The following ZC2HC1B variants were observed in gnomAD, a reference collection of about 807,000 sequenced individuals.
The protein encoded by ZC2HC1B is zinc finger C2HC domain-containing protein 1B.
Under a neutral mutation model 31.0 loss-of-function variants are expected in ZC2HC1B, and 36 were observed. The ratio of observed to expected loss-of-function variants is 1.16; its 90% CI spans 0.89 to 1.54. ZC2HC1B has a LOEUF of 1.54. ZC2HC1B is among the 40% of genes most tolerant of loss of function. ZC2HC1B has a pLI of 0.00. For missense variants in ZC2HC1B, 260 were observed against 268.6 expected (o/e 0.97, Z 0.22); for synonymous variants, 73 against 88.0 (o/e 0.83, Z 0.95).
intron 4 of ZC2HC1B, among the ~76,000 whole-genome samples, chr6:143,888,645 T>C (rs2128494205): frequency 6.6e-6 from 1 of 152,184 alleles, no homozygotes; most frequent in East Asian, 1.9e-4. Context: ...TTTTATTCAT[T>C]TTGACATTAT....
chr6:143,873,938 A>T (rs910593745), intron 1 of ZC2HC1B, among the ~76,000 whole-genome samples: 1 of 152,246 alleles, frequency 6.6e-6, no homozygotes, highest in Non-Finnish European at 1.5e-5. Flanking sequence ...AAATTTCTGC[A>T]GCTGGCTTTA....
At position 143,924,669 on chromosome 6, in the gene ZC2HC1B, G is replaced by C. The variant is rs1227925913; in HGVS notation, c.599-12980G>C. On this transcript the variant is annotated intron_variant, in intron 6 of 7. Coordinates refer to ENST00000237275, the MANE Select transcript of ZC2HC1B (RefSeq NM_001013623.3). This position sits in a 1 kb window ranked among gnomAD's most constrained non-coding sequence, Gnocchi z 5.2. ...ATTTGTCAGATATGACCTTTACTAT[G>C]CTGAGGCATGTTTCTTCTATGCCTA... 2.0e-5 allele frequency among the ~76,000 whole-genome samples: 3 copies of C among 152,128 alleles called. No homozygotes were observed. Among genetic ancestry groups the C allele is most frequent in the African/African-American group, 7.2e-5 (3 of 41,430 alleles).
chr6:143,883,302 G>A lies in ZC2HC1B; in HGVS notation c.29-1002G>A, dbSNP rs1562338791. Among the ~76,000 whole-genome samples, 1 of 152,170 alleles carries A rather than the reference G, an allele frequency of 6.6e-6. No homozygotes were observed. Among genetic ancestry groups the A allele is most frequent in the Non-Finnish European group, 1.5e-5 (1 of 68,024 alleles). ...AATCCTCCTGCTTCAGCCTCCCATA[G>A]TGTTGGGATTACAGGCGTGAGCCAC... On this transcript the variant is annotated intron_variant, in intron 1 of 7. Transcript: ENST00000237275. The surrounding 1 kb of genome is among the most constrained non-coding windows in gnomAD (Gnocchi z 4.1).
chr6:143,891,239 T>C (rs540206938), intron 4 of ZC2HC1B, among the ~76,000 whole-genome samples: 8 of 151,974 alleles, frequency 5.3e-5, no homozygotes, highest in African/African-American at 1.9e-4. Flanking sequence ...GAAAATCTCA[T>C]AGCATTCCTT....
rs1361466200 is a variant in ZC2HC1B, at chr6:143,934,724, C to G, written c.599-2925C>G. Among the ~76,000 whole-genome samples the G allele has an allele frequency of 2.0e-5, 3 of 152,154 alleles. No homozygotes were observed. The highest frequency in any genetic ancestry group is 4.8e-5 in the African/African-American group (2 of 41,420). ...TGGCTGTAATTACTATCAGTGGTGT[C>G]TATGAATTCCTTAGTGACTTAAACT... On this transcript the variant is annotated intron_variant, in intron 6 of 7. Coordinates refer to ENST00000237275, the MANE Select transcript of ZC2HC1B (RefSeq NM_001013623.3). This position sits in a 1 kb window ranked among gnomAD's most constrained non-coding sequence, Gnocchi z 4.6.
chr6:143,907,675 T>A (rs2144087), intron 6 of ZC2HC1B, among the ~76,000 whole-genome samples: 79,634 of 152,072 alleles, frequency 0.52, 21,230 homozygotes, highest in East Asian at 0.76. Context: ...GCTACATATT[T>A]GACCTTTGTC....
At chr6:143,867,592 A>G (rs908379464) in intron 1 of ZC2HC1B, among the ~76,000 whole-genome samples, 37 of 152,158 alleles carry the variant, frequency 2.4e-4, no homozygotes, top group African/African-American at 8.0e-4. Flanking sequence ...GAACCTTCCT[A>G]TGGGGTGAAA....
chr6:143,876,052 T>C (rs1157328662), intron 1 of ZC2HC1B, among the ~76,000 whole-genome samples: 1 of 150,684 alleles, frequency 6.6e-6, no homozygotes, highest in Non-Finnish European at 1.5e-5. Context: ...CAGTAGACAC[T>C]TGGCAAGGCT....
intron 6 of ZC2HC1B, among the ~76,000 whole-genome samples, chr6:143,930,580 G>A (rs960090036): frequency 6.6e-6 from 1 of 151,596 alleles, no homozygotes; most frequent in African/African-American, 2.4e-5. Context: ...TAGTAGAGAC[G>A]GGATTTCACC....
In ZC2HC1B at chr6:143,923,011, A is replaced by G. The variant is rs1444163789; in HGVS notation, c.599-14638A>G. Among the ~76,000 whole-genome samples the G allele has an allele frequency of 6.6e-6, 1 of 152,162 alleles. No individual in the cohort carries two copies. Among genetic ancestry groups the G allele is most frequent in the Non-Finnish European group, 1.5e-5 (1 of 67,994 alleles). ...AGTTCCCTTTTCTCCGCATCCTCAC[A>G]AGCATCTGTTATTTCTTGCCTTTTT... On this transcript the variant is annotated intron_variant, in intron 6 of 7. Coordinates refer to ENST00000237275, the MANE Select transcript of ZC2HC1B (RefSeq NM_001013623.3). The surrounding 1 kb of genome is among the most constrained non-coding windows in gnomAD (Gnocchi z 4.8).
At chr6:143,930,386 T>C (rs376151713) in intron 6 of ZC2HC1B, among the ~76,000 whole-genome samples, 14,162 of 146,248 alleles carry the variant, frequency 0.097, 686 homozygotes, top group Middle Eastern at 0.13. Context: ...AGTTTCTTTT[T>C]TTTTTTTTTT....
In ZC2HC1B at chr6:143,868,795, A is replaced by G. The variant is rs1777301842; in HGVS notation, c.28+4228A>G. Among the ~76,000 whole-genome samples, 1 of 152,210 alleles carries G rather than the reference A, an allele frequency of 6.6e-6. No homozygotes were observed. Among genetic ancestry groups the G allele is most frequent in the East Asian group, 1.9e-4 (1 of 5,198 alleles). On this transcript the variant is annotated intron_variant, in intron 1 of 7. Transcript: ENST00000237275. The surrounding 1 kb of genome is among the most constrained non-coding windows in gnomAD (Gnocchi z 4.2). The stretch of plus-strand genomic sequence containing the variant: ...TACAACTATCCTTAATACAACCAGA[A>G]ATGCACCAATCCCCAACCCAAATAC...
intron 4 of ZC2HC1B, among the ~76,000 whole-genome samples, chr6:143,889,689 A>T (rs910847647): frequency 2.6e-5 from 4 of 152,140 alleles, no homozygotes; most frequent in Admixed American, 2.0e-4. Flanking sequence ...AACTGGAAGG[A>T]GAAGTAGACA....
In ZC2HC1B at chr6:143,870,953, T is replaced by C. The variant is rs1777329003; in HGVS notation, c.28+6386T>C. 6.6e-6 allele frequency among the ~76,000 whole-genome samples: 1 copy of C among 152,062 alleles called. No individual in the cohort carries two copies. The highest frequency in any genetic ancestry group is 2.1e-4 in the South Asian group (1 of 4,820). ...TCAAAACTGGCAGCTTCAGGTCACTTGATAAATGGGCCGGATTAACACACC... is the reference window on the plus strand; with the variant it reads ...TCAAAACTGGCAGCTTCAGGTCACTCGATAAATGGGCCGGATTAACACACC... On this transcript the variant is annotated intron_variant, in intron 1 of 7. Coordinates refer to ENST00000237275, the MANE Select transcript of ZC2HC1B (RefSeq NM_001013623.3). The surrounding 1 kb of genome is among the most constrained non-coding windows in gnomAD (Gnocchi z 4.7).
At chr6:143,897,510 T>A (rs75869021) in intron 4 of ZC2HC1B, among the ~76,000 whole-genome samples, 6,609 of 151,894 alleles carry the variant, frequency 0.044, 150 homozygotes, top group South Asian at 0.071. Flanking sequence ...AAAGATATTA[T>A]ACAGAACCAC....
At chr6:143,901,444 G>A (rs1323123665) in intron 5 of ZC2HC1B, among the ~76,000 whole-genome samples, 1 of 150,822 alleles carries the variant, frequency 6.6e-6, no homozygotes, top group East Asian at 2.0e-4. Flanking sequence ...ATTTTTAGTA[G>A]AGACGAGGTT....
chr6:143,900,094 A>G (rs566650375), intron 5 of ZC2HC1B, among the ~76,000 whole-genome samples: 2 of 152,298 alleles, frequency 1.3e-5, no homozygotes, highest in Non-Finnish European at 2.9e-5. Flanking sequence ...AGTACCTACG[A>G]AAGAGGTACA....
intron 1 of ZC2HC1B, among the ~76,000 whole-genome samples, chr6:143,882,335 T>TATATATATATATATATATATAA (rs1777479188): frequency 2.1e-5 from 1 of 48,226 alleles, no homozygotes; most frequent in African/African-American, 7.1e-5. Flanking sequence ...TTATATTTTT[T>TATATATATATATATATATATAA]ATATATATAT....
Position 143,886,263 on chromosome 6 carries a change from C to A in ZC2HC1B, c.210+112C>A. On this transcript the variant is annotated intron_variant, in intron 3 of 7. Coordinates refer to ENST00000237275, the MANE Select transcript of ZC2HC1B (RefSeq NM_001013623.3). The surrounding 1 kb of genome is among the most constrained non-coding windows in gnomAD (Gnocchi z 4.2). The stretch of plus-strand genomic sequence containing the variant: ...TTGATAATACAGTAATGTAATGTAA[C>A]TGTAATCCACCTTTACTTTTTTCTT... 1.7e-6 allele frequency: 2 copies of A among 1,170,534 alleles called. No individual in the cohort carries two copies. The highest frequency in any genetic ancestry group is 1.1e-6 in the Non-Finnish European group (1 of 909,288). The allele number at this position is 1,170,534 out of a possible 1,614,324, so 72.5% of individuals were successfully genotyped here.
Sources: allele counts gnomAD v4.1 joint callset (sites outside exome capture counted in the v4.1 genomes callset), GRCh38; gene constraint gnomAD v4.1.1; non-coding constraint Gnocchi (gnomAD v3.1); transcripts MANE v1.5; gene names NCBI Gene and HGNC (gene_info 2026-07-23, HGNC 2026-07-21).